Variants in SEMA5A observed in about 807,000 individuals in gnomAD.
The protein encoded by SEMA5A is semaphorin 5A, also known as semaphorin-5A.
SEMA5A carries 55 observed loss-of-function variants against 135.5 expected under a neutral mutation model. The observed-to-expected ratio is 0.41, with a 90% CI of 0.33 to 0.51. The LOEUF is 0.51. SEMA5A is among the 20% of genes least tolerant of loss of function. The probability of loss-of-function intolerance (pLI) is 0.37; values close to 1 mark genes in which losing one functional copy is unlikely to be tolerated. For synonymous variants in SEMA5A, 580 were observed against 546.5 expected, an observed-to-expected ratio of 1.06 and a Z score of -0.85; for missense variants, 1,290 against 1,419.9, an observed-to-expected ratio of 0.91 and a Z score of 1.47.
intron 5 of SEMA5A, among the ~76,000 whole-genome samples, chr5:9,259,604 T>A (rs978324490): frequency 1.3e-5 from 2 of 152,046 alleles, no homozygotes; most frequent in Admixed American, 1.3e-4. Flanking sequence ...TTCCTGGGTA[T>A]CCTTGTTGAC....
intron 1 of SEMA5A, among the ~76,000 whole-genome samples, chr5:9,482,959 T>C (rs1163482469): frequency 1.3e-5 from 2 of 152,236 alleles, no homozygotes; most frequent in Non-Finnish European, 1.5e-5. Context: ...TAAAAATTCA[T>C]GATGAGCACA....
intron 6 of SEMA5A, among the ~76,000 whole-genome samples, chr5:9,229,778 A>T (rs925697988): frequency 7.2e-5 from 11 of 152,052 alleles, no homozygotes; most frequent in African/African-American, 2.2e-4. Flanking sequence ...CACAAACAAC[A>T]TGGGCAAGGG....
intron 16 of SEMA5A, among the ~76,000 whole-genome samples, chr5:9,081,431 C>G (rs1472899071): frequency 6.6e-6 from 1 of 152,064 alleles, no homozygotes; most frequent in Non-Finnish European, 1.5e-5. Flanking sequence ...TATATACATA[C>G]ATATGTGTGT....
chr5:9,398,622 G>C (rs911250303), intron 2 of SEMA5A, among the ~76,000 whole-genome samples: 2 of 152,234 alleles, frequency 1.3e-5, no homozygotes, highest in African/African-American at 4.8e-5. Flanking sequence ...AATTCAGGTA[G>C]ATCAGGTACC....
At position 9,150,156 on chromosome 5, in the gene SEMA5A, C is replaced by A. The variant is rs111872530; in HGVS notation, c.1481+4332G>T. On this transcript the variant is annotated intron_variant, in intron 12 of 22. Transcript: ENST00000382496. ...TTCCAGCCTTTTCCCACTTTAAAGACCACATGATGCTACTCGACCATGAGC... is the reference window on the plus strand; with the variant it reads ...TTCCAGCCTTTTCCCACTTTAAAGAACACATGATGCTACTCGACCATGAGC... 2.1e-3 allele frequency among the ~76,000 whole-genome samples: 315 copies of A among 152,254 alleles called. 1 individual carries two copies. Among genetic ancestry groups the A allele is most frequent in the African/African-American group, 7.2e-3 (301 of 41,550 alleles).
At chr5:9,362,087 T>A (rs1265439422) in intron 3 of SEMA5A, among the ~76,000 whole-genome samples, 1 of 152,134 alleles carries the variant, frequency 6.6e-6, no homozygotes, top group Non-Finnish European at 1.5e-5. Flanking sequence ...ATCTTCCTCT[T>A]CTCGTCTTGG....
intron 1 of SEMA5A, among the ~76,000 whole-genome samples, chr5:9,486,262 C>A (rs1252387701): frequency 6.6e-6 from 1 of 152,006 alleles, no homozygotes; most frequent in East Asian, 1.9e-4. Context: ...CACACACAGG[C>A]ACCTGTTGAG....
chr5:9,186,476 C>T (rs765611967), intron 11 of SEMA5A, among the ~76,000 whole-genome samples: 3 of 152,164 alleles, frequency 2.0e-5, no homozygotes, highest in African/African-American at 4.8e-5. Flanking sequence ...TACCACCAAA[C>T]CTGGATTCCC....
chr5:9,487,745 C>G (rs906930684), intron 1 of SEMA5A, among the ~76,000 whole-genome samples: 1 of 152,086 alleles, frequency 6.6e-6, no homozygotes, highest in African/African-American at 2.4e-5. Context: ...TATGTCTTGT[C>G]CATATGGTTG....
chr5:9,066,688 C>G (rs770845789), intron 16 of SEMA5A, 42 bp from the exon 17 acceptor site: 1 of 1,577,166 alleles, frequency 6.3e-7, no homozygotes, highest in Non-Finnish European at 8.7e-7. Flanking sequence ...ACGGGGTAAA[C>G]AGAGCAACCT....
chr5:9,409,772 G>A (rs146138102), intron 2 of SEMA5A, among the ~76,000 whole-genome samples: 30 of 152,334 alleles, frequency 2.0e-4, no homozygotes, highest in African/African-American at 6.0e-4. Context: ...TAGATCGGGG[G>A]GCTGTGTTGT....
chr5:9,308,053 T>A (rs963209895), intron 5 of SEMA5A, among the ~76,000 whole-genome samples: 20 of 152,248 alleles, frequency 1.3e-4, no homozygotes, highest in African/African-American at 4.1e-4. Flanking sequence ...GTCAAAGACA[T>A]AAAAACACTT....
At chr5:9,142,834 C>CA (rs1191765420) in intron 12 of SEMA5A, among the ~76,000 whole-genome samples, 1 of 152,204 alleles carries the variant, frequency 6.6e-6, no homozygotes, top group African/African-American at 2.4e-5. Flanking sequence ...CATGATGGCA[C>CA]ATGCCATGTT....
intron 5 of SEMA5A, among the ~76,000 whole-genome samples, chr5:9,287,538 T>G (rs1750861326): frequency 6.6e-6 from 1 of 152,236 alleles, no homozygotes; most frequent in Non-Finnish European, 1.5e-5. Flanking sequence ...TTATAATTTA[T>G]AAACCTTTAA....
chr5:9,353,647 C>T (rs2126318233), intron 3 of SEMA5A, among the ~76,000 whole-genome samples: 1 of 152,216 alleles, frequency 6.6e-6, no homozygotes, highest in South Asian at 2.1e-4. Flanking sequence ...AATATTGCAT[C>T]CCATAGTTTT....
chr5:9,096,783 G>C (rs1283182973), intron 16 of SEMA5A, among the ~76,000 whole-genome samples: 1 of 152,044 alleles, frequency 6.6e-6, no homozygotes. Flanking sequence ...GAAATGTCAA[G>C]GGACTTGAAA....
chr5:9,520,686 C>T (rs565436108), intron 1 of SEMA5A, among the ~76,000 whole-genome samples: 50 of 152,278 alleles, frequency 3.3e-4, no homozygotes, highest in African/African-American at 9.1e-4. Flanking sequence ...ATGATGATGG[C>T]GCTTTATTTC....
At chr5:9,441,723 A>G (rs907656) in intron 1 of SEMA5A, among the ~76,000 whole-genome samples, 14,287 of 152,154 alleles carry the variant, frequency 0.094, 879 homozygotes, top group Middle Eastern at 0.19. Context: ...TGGCATCAGG[A>G]GTGTGTGGAG....
intron 3 of SEMA5A, among the ~76,000 whole-genome samples, chr5:9,342,759 T>G (rs1753706461): frequency 6.6e-6 from 1 of 152,178 alleles, no homozygotes; most frequent in Admixed American, 6.5e-5. Flanking sequence ...CTTATCCACT[T>G]TATAACTATT....
Sources: gnomAD v4.1 joint callset for allele counts (sites outside exome capture counted in the v4.1 genomes callset) on GRCh38, gnomAD v4.1.1 for gene constraint, MANE v1.5 for transcripts, NCBI Gene and HGNC (gene_info 2026-07-23, HGNC 2026-07-21) for gene names.